The following RNASE12 variants were observed in gnomAD, a reference collection of about 807,000 sequenced individuals.
The protein encoded by RNASE12 is probable inactive ribonuclease-like protein 12.
For missense variants in RNASE12, 161 were observed against 177.6 expected (o/e 0.91, Z 0.53); for synonymous variants, 55 against 59.8 (o/e 0.92, Z 0.37).
upstream of RNASE12, chr14:20,591,011 T>A: frequency 3.0e-6 from 3 of 985,418 alleles, no homozygotes; most frequent in Non-Finnish European, 3.6e-6. Flanking sequence ...GTTCTACAAG[T>A]TCTTTGACAG....
chr14:20,590,939 A>G, upstream of RNASE12: 1 of 1,415,388 alleles, frequency 7.1e-7, no homozygotes, highest in South Asian at 1.6e-5. Flanking sequence ...TTTTCTGAAC[A>G]TGCCAGCTCT....
exon 1 of RNASE12, chr14:20,590,484 G>A (rs752545307): frequency 2.5e-6 from 4 of 1,614,136 alleles, no homozygotes; most frequent in African/African-American, 1.3e-5. Context: ...TGGGAGAAAT[G>A]CAAATACCAT....
exon 1 of RNASE12, chr14:20,590,245 GAGAAGAGATCTC>G: frequency 2.5e-6 from 4 of 1,604,062 alleles, no homozygotes; most frequent in Non-Finnish European, 3.4e-6. Flanking sequence ...ATGCCATTGA[GAGAAGAGATCTC>G]AGACTCGGGA....
At position 20,590,659 on chromosome 14, in the gene RNASE12, G is replaced by A; in HGVS notation, c.65C>T (p.Ala22Val). The A allele has an allele frequency of 2.5e-6, 4 of 1,614,220 alleles. No homozygotes were observed. The Middle Eastern group carries it at 4.9e-4, about 200-fold the overall frequency. Residue 22 changes from alanine to valine, a missense_variant, in exon 1 of 1, where the codon GCA becomes GTA. Coordinates refer to ENST00000556526, the Ensembl canonical transcript of RNASE12. ...CAAGTGTTCTAAAGTTGACATCACTGCTTCATCATTCACCTCATTTTCCCA... is the reference window on the plus strand; with the variant it reads ...CAAGTGTTCTAAAGTTGACATCACTACTTCATCATTCACCTCATTTTCCCA...
chr14:20,590,266 G>T (rs3827902), exon 1 of RNASE12: 333,704 of 1,610,148 alleles, frequency 0.21, 35,968 homozygotes, highest in Middle Eastern at 0.3. Context: ...TCAGACTCGG[G>T]AGCTGATCTT....
At chr14:20,590,297 G>A in exon 1 of RNASE12, 1 of 1,613,632 alleles carries the variant, frequency 6.2e-7, no homozygotes, top group East Asian at 2.2e-5. Context: ...ACATAGCCAA[G>A]GAAACTATCT....
At chr14:20,591,093 C>G (rs574410825), upstream of RNASE12, 5 of 985,398 alleles carry the variant, frequency 5.1e-6, no homozygotes, top group East Asian at 5.7e-4. Context: ...AGAAAGTGGT[C>G]AAGGTTATTC....
At chr14:20,591,353 G>A (rs1007938380), upstream of RNASE12, 5 of 931,640 alleles carry the variant, frequency 5.4e-6, no homozygotes, top group Middle Eastern at 5.5e-4. Context: ...GACAATAACT[G>A]ATAGAGAGCC....
chr14:20,590,641 T>C lies in RNASE12; in HGVS notation c.83A>G (p.Glu28Gly), dbSNP rs760573330. The C allele has an allele frequency of 1.9e-6, 3 of 1,614,240 alleles. No homozygotes were observed. In the South Asian group the frequency reaches 3.3e-5, roughly 18 times the overall value. ...CTGAGGGTAGTCCACATGCAAGTGT[T>C]CTAAAGTTGACATCACTGCTTCATC... Residue 28 changes from glutamate (E) to glycine (G), a missense_variant, in exon 1 of 1, where the codon GAA becomes GGA. Transcript: ENST00000556526.
exon 1 of RNASE12, chr14:20,590,336 C>T: frequency 6.2e-7 from 1 of 1,614,192 alleles, no homozygotes; most frequent in Admixed American, 1.7e-5. Flanking sequence ...GTGACAAGAA[C>T]AAACCCCTCT....
chr14:20,590,772 AG>A lies in RNASE12; in HGVS notation c.-50del, dbSNP rs1415921366. 1.3e-6 allele frequency: 2 copies of A among 1,588,818 alleles called. No homozygotes were observed. Among genetic ancestry groups the A allele is most frequent in the East Asian group, 2.2e-5 (1 of 44,550 alleles). On this transcript the variant is annotated 5_prime_UTR_variant, in exon 1 of 1. Coordinates refer to ENST00000556526, the Ensembl canonical transcript of RNASE12. ...CTTTGGCTTTGACTGCTGTTGAGTAAGGGAAGATAGAAAGTAGCAAAGGACA... is the reference window on the plus strand; with the variant it reads ...CTTTGGCTTTGACTGCTGTTGAGTAAGGAAGATAGAAAGTAGCAAAGGACA...
At chr14:20,591,373 A>G (rs530111317), upstream of RNASE12, 2 of 867,036 alleles carry the variant, frequency 2.3e-6, no homozygotes, top group East Asian at 1.2e-4. Flanking sequence ...CTGTTGTTGA[A>G]TGTGGGGAGG....
At chr14:20,590,178 C>T (rs4981259), downstream of RNASE12, 771,504 of 1,515,806 alleles carry the variant, frequency 0.51, 200,067 homozygotes, top group Non-Finnish European at 0.53. Flanking sequence ...TCCCCTTCCG[C>T]TCAAGGCATT....
At chr14:20,590,545 T>A (rs780367762) in exon 1 of RNASE12, 4 of 1,614,132 alleles carry the variant, frequency 2.5e-6, no homozygotes, top group Middle Eastern at 1.6e-4. Context: ...TTTACAAGTG[T>A]GGTCAGGTTC....
downstream of RNASE12, chr14:20,590,132 A>T (rs1423052704): frequency 7.2e-7 from 1 of 1,389,124 alleles, no homozygotes; most frequent in Non-Finnish European, 9.5e-7. Flanking sequence ...ATCCCAACCC[A>T]GCAATACAGG....
chr14:20,590,468 C>T, exon 1 of RNASE12: 12 of 1,614,224 alleles, frequency 7.4e-6, no homozygotes, highest in Non-Finnish European at 1.0e-5. Flanking sequence ...TGGCAAGCAA[C>T]CTTCTTGGGA....
chr14:20,590,795 G>T, exon 1 of RNASE12: 1 of 1,572,150 alleles, frequency 6.4e-7, no homozygotes, highest in African/African-American at 1.3e-5. Flanking sequence ...AGTAGCAAAG[G>T]ACAGTCAGAT....
chr14:20,590,978 A>T, upstream of RNASE12: 2 of 985,410 alleles, frequency 2.0e-6, no homozygotes, highest in Non-Finnish European at 2.4e-6. Flanking sequence ...TGTTCTCTAA[A>T]TTATTCCTGT....
Position 20,590,508 on chromosome 14 carries a change from C to T in RNASE12, c.216G>A (p.Arg72=), listed in dbSNP as rs757450870. The change falls in exon 1 of 1, where the codon AGG becomes AGA. Residue 72 remains arginine, a synonymous_variant. Transcript: ENST00000556526. ...TGCAAATACCATTGATTTTTCGAGG[C>T]CTCTCATGGATGAAGACATGCTCCT... 1.9e-6 allele frequency: 3 copies of T among 1,614,210 alleles called. No homozygotes were observed. The African/African-American group carries it at 4.0e-5, about 22-fold the overall frequency.
Sources: allele counts gnomAD v4.1 joint callset, GRCh38; gene constraint gnomAD v4.1.1; transcripts MANE v1.5; gene names NCBI Gene and HGNC (gene_info 2026-07-23, HGNC 2026-07-21).